CSMD3: variants seen among roughly 807,000 people sequenced by gnomAD.
CSMD3 encodes the protein CUB and sushi domain-containing protein 3.
In CSMD3, 177 loss-of-function variants were observed where a neutral mutation model predicts 435.2. The ratio of observed to expected loss-of-function variants is 0.41; its 90% CI spans 0.36 to 0.46. CSMD3 has a LOEUF of 0.46. Among genes scored for constraint, CSMD3 ranks in the 20% least tolerant of loss-of-function variants. CSMD3 has a pLI of 0.34. For synonymous variants in CSMD3, 1,656 were observed against 1,520.5 expected, an observed-to-expected ratio of 1.09 and a Z score of -2.07; for missense variants, 4,265 against 4,504.6, an observed-to-expected ratio of 0.95 and a Z score of 1.52.
At chr8:113,195,791 T>TTATATATGTA (rs2092645681) in intron 3 of CSMD3, among the ~76,000 whole-genome samples, 1 of 126,044 alleles carries the variant, frequency 7.9e-6, no homozygotes, top group African/African-American at 3.1e-5. Flanking sequence ...ATCCTATATT[T>TTATATATGTA]TATATATATA....
chr8:112,356,421 C>T (rs1826605567), intron 38 of CSMD3, among the ~76,000 whole-genome samples: 1 of 152,032 alleles, frequency 6.6e-6, no homozygotes, highest in Admixed American at 6.6e-5. Context: ...AAACCAAATA[C>T]CACATATTGT....
intron 32 of CSMD3, among the ~76,000 whole-genome samples, chr8:112,421,926 G>A (rs575062525): frequency 9.2e-5 from 14 of 151,904 alleles, no homozygotes; most frequent in African/African-American, 3.4e-4. Context: ...AGACCTTTGA[G>A]GTAGGCACTA....
chr8:113,287,536 T>C (rs1236189675), intron 2 of CSMD3, among the ~76,000 whole-genome samples: 1 of 152,010 alleles, frequency 6.6e-6, no homozygotes, highest in Admixed American at 6.6e-5. Context: ...GTATCATTTG[T>C]TGAGAGCAAA....
At chr8:113,082,816 C>T (rs972339594) in intron 5 of CSMD3, among the ~76,000 whole-genome samples, 6 of 151,986 alleles carry the variant, frequency 3.9e-5, no homozygotes, top group South Asian at 2.1e-4. Context: ...TTAAAAAATA[C>T]AATTGAGTGT....
At chr8:113,348,953 T>C (rs1162143047) in intron 1 of CSMD3, among the ~76,000 whole-genome samples, 2 of 152,178 alleles carry the variant, frequency 1.3e-5, no homozygotes, top group African/African-American at 4.8e-5. Flanking sequence ...TCATTAATTT[T>C]ACGTACTGAA....
intron 38 of CSMD3, among the ~76,000 whole-genome samples, chr8:112,372,209 G>A (rs973117009): frequency 6.6e-6 from 1 of 152,128 alleles, no homozygotes; most frequent in Non-Finnish European, 1.5e-5. Context: ...CGTGAAAGGA[G>A]TAGAGAGAGG....
At chr8:113,026,596 G>C (rs2086885151) in intron 5 of CSMD3, among the ~76,000 whole-genome samples, 1 of 152,152 alleles carries the variant, frequency 6.6e-6, no homozygotes, top group East Asian at 1.9e-4. Context: ...TTAGCATAAT[G>C]ATTGATGCAT....
intron 1 of CSMD3, among the ~76,000 whole-genome samples, chr8:113,432,592 C>T (rs988716528): frequency 6.6e-6 from 1 of 152,182 alleles, no homozygotes; most frequent in Non-Finnish European, 1.5e-5. Context: ...CTCCTGCTGG[C>T]CTTTCCGTCG....
At chr8:112,351,911 G>T (rs1199150739) in intron 39 of CSMD3, among the ~76,000 whole-genome samples, 1 of 151,692 alleles carries the variant, frequency 6.6e-6, no homozygotes, top group African/African-American at 2.4e-5. Context: ...AATCAAAAAA[G>T]ATCAATATAA....
chr8:112,620,507 C>T (rs1424312115), intron 22 of CSMD3, among the ~76,000 whole-genome samples: 2 of 152,072 alleles, frequency 1.3e-5, no homozygotes, highest in African/African-American at 2.4e-5. Context: ...GGTGAGAGAG[C>T]AGTCATGTAC....
intron 3 of CSMD3, among the ~76,000 whole-genome samples, chr8:113,273,955 T>C (rs927803151): frequency 5.3e-5 from 8 of 152,016 alleles, no homozygotes; most frequent in Non-Finnish European, 8.8e-5. Context: ...CTAAATAAAA[T>C]ATAAGAATAA....
chr8:113,077,800 T>C (rs911639945), intron 5 of CSMD3, among the ~76,000 whole-genome samples: 4 of 152,166 alleles, frequency 2.6e-5, no homozygotes, highest in African/African-American at 9.7e-5. Flanking sequence ...CTCAAAATTA[T>C]ATGGCTTTTT....
chr8:112,636,669 C>T (rs1342727282), intron 22 of CSMD3, 148 bp downstream of exon 22: 13 of 721,402 alleles, frequency 1.8e-5, no homozygotes, highest in Non-Finnish European at 3.1e-5. Flanking sequence ...TTCAGTTACA[C>T]CAGATTGCCA....
At chr8:112,554,028 G>GA (rs200413425) in intron 25 of CSMD3, among the ~76,000 whole-genome samples, 2 of 151,368 alleles carry the variant, frequency 1.3e-5, no homozygotes, top group Non-Finnish European at 3.0e-5. Flanking sequence ...TTCCTGGGGG[G>GA]AAAAAAAAGA....
intron 10 of CSMD3, among the ~76,000 whole-genome samples, chr8:112,865,244 C>T (rs2080943591): frequency 6.6e-6 from 1 of 152,146 alleles, no homozygotes; most frequent in African/African-American, 2.4e-5. Context: ...AATGTTTCAA[C>T]TACACAAGTA....
intron 18 of CSMD3, among the ~76,000 whole-genome samples, chr8:112,654,636 A>G (rs1420878821): frequency 6.6e-6 from 1 of 152,182 alleles, no homozygotes; most frequent in Admixed American, 6.5e-5. Flanking sequence ...TTTATTCCTT[A>G]TCTGACTAGT....
intron 3 of CSMD3, among the ~76,000 whole-genome samples, chr8:113,196,871 C>T (rs986435029): frequency 6.6e-6 from 1 of 151,230 alleles, no homozygotes; most frequent in South Asian, 2.1e-4. Context: ...TTTGTCTAAG[C>T]GTGTTCTTAA....
At position 112,494,465 on chromosome 8, in the gene CSMD3, TC is replaced by T. The variant is rs199846620; in HGVS notation, c.5084-1783del. 5.4e-4 allele frequency among the ~76,000 whole-genome samples: 57 copies of T among 105,742 alleles called. 1 individual carries two copies. Among genetic ancestry groups the T allele is most frequent in the Non-Finnish European group, 8.8e-4 (35 of 39,808 alleles). The allele number at this position is 105,742 out of a possible 152,430, so 69.4% of individuals were successfully genotyped here. A position where few individuals can be genotyped will look rare whatever the true frequency, so the allele number is the denominator to read the frequency against. On this transcript the variant is annotated intron_variant, in intron 30 of 70. Coordinates refer to ENST00000297405, the MANE Select transcript of CSMD3 (RefSeq NM_198123.2). ...TTTTCTTTTGTTTCTTTCTCTCCTT[TC>T]TCTTTCTTTTCTTTTGTTTCTTTCT...
chr8:112,403,716 C>T (rs1038485534), intron 35 of CSMD3, among the ~76,000 whole-genome samples: 1 of 151,768 alleles, frequency 6.6e-6, no homozygotes, highest in Non-Finnish European at 1.5e-5. Flanking sequence ...TTCTTAATAC[C>T]CCCACATGGG....
Sources: gnomAD v4.1 joint callset for allele counts (sites outside exome capture counted in the v4.1 genomes callset) on GRCh38, gnomAD v4.1.1 for gene constraint, MANE v1.5 for transcripts, NCBI Gene and HGNC (gene_info 2026-07-23, HGNC 2026-07-21) for gene names.